CNTNAP2: variants seen among roughly 807,000 people sequenced by gnomAD.
CNTNAP2 encodes the protein contactin-associated protein-like 2.
A neutral mutation model predicts 155.2 loss-of-function variants in CNTNAP2; 98 were observed. That is an observed-to-expected ratio of 0.63 (90% CI 0.54 to 0.75). The LOEUF is 0.75. Ranked by LOEUF, CNTNAP2 falls within the 30% of genes least tolerant of loss-of-function variation. CNTNAP2 has a pLI of 0.00. For synonymous variants in CNTNAP2, 651 were observed against 631.2 expected, an observed-to-expected ratio of 1.03 and a Z score of -0.47; for missense variants, 1,727 against 1,688.1, an observed-to-expected ratio of 1.02 and a Z score of -0.40.
chr7:147,068,618 A>G (rs1799829648), intron 4 of CNTNAP2, among the ~76,000 whole-genome samples: 1 of 152,128 alleles, frequency 6.6e-6, no homozygotes, highest in Non-Finnish European at 1.5e-5. Flanking sequence ...CAGCCTCCCA[A>G]AGTGCTGGAA....
At chr7:147,097,009 G>A (rs1800549440) in intron 4 of CNTNAP2, among the ~76,000 whole-genome samples, 1 of 152,142 alleles carries the variant, frequency 6.6e-6, no homozygotes, top group South Asian at 2.1e-4. Context: ...TCACCCAAAG[G>A]TATGTGAAAT....
intron 12 of CNTNAP2, among the ~76,000 whole-genome samples, chr7:147,563,684 CAAACTGAATT>C (rs1159568733): frequency 6.6e-6 from 1 of 151,874 alleles, no homozygotes; most frequent in African/African-American, 2.4e-5. Flanking sequence ...CAGGCAAATT[CAAACTGAATT>C]ATATGCAGCC....
In CNTNAP2 at chr7:146,354,471, G is replaced by T. The variant is rs957693716; in HGVS notation, c.97+237498G>T. On this transcript the variant is annotated intron_variant, in intron 1 of 23. Transcript: ENST00000361727. ...ACTCTGTCGCCCCGCCTGGAGTGCA[G>T]TGGTGCAATGTCAGTTCACTGCAGT... Among the ~76,000 whole-genome samples the T allele has an allele frequency of 2.0e-5, 3 of 148,596 alleles. 1 individual carries two copies. In the Admixed American group the frequency reaches 2.0e-4, roughly 10 times the overall value.
At chr7:148,059,513 G>A (rs950431262) in intron 15 of CNTNAP2, among the ~76,000 whole-genome samples, 6 of 151,190 alleles carry the variant, frequency 4.0e-5, no homozygotes, top group Admixed American at 6.6e-5. Flanking sequence ...GCTTGAACCC[G>A]GGAGAGGGAG....
At chr7:148,365,040 G>T (rs576044665) in intron 21 of CNTNAP2, among the ~76,000 whole-genome samples, 1 of 152,190 alleles carries the variant, frequency 6.6e-6, no homozygotes, top group African/African-American at 2.4e-5. Context: ...CTTAAGAGCT[G>T]TAACAGTCAC....
chr7:147,829,227 T>C (rs1432512151), intron 13 of CNTNAP2, among the ~76,000 whole-genome samples: 2 of 152,046 alleles, frequency 1.3e-5, no homozygotes, highest in Non-Finnish European at 2.9e-5. Flanking sequence ...ACAGATGGGG[T>C]TGAGCAGCAG....
chr7:146,580,518 G>T (rs542277777), intron 1 of CNTNAP2, among the ~76,000 whole-genome samples: 184 of 150,112 alleles, frequency 1.2e-3, no homozygotes, highest in Non-Finnish European at 2.2e-3. Context: ...ACTTCGGCAA[G>T]ATCTAAATAT....
Position 148,400,643 on chromosome 7 carries a change from C to T in CNTNAP2, c.3716-8748C>T, listed in dbSNP as rs562875011. ...CACCCTCCCATATACTTTAAATTGT[C>T]TCTTGTAGATTACTTGTAATACCTA... is the stretch of plus-strand genomic sequence containing the variant. On this transcript the variant is annotated intron_variant, in intron 22 of 23. Coordinates refer to ENST00000361727, the MANE Select transcript of CNTNAP2 (RefSeq NM_014141.6). Among the ~76,000 whole-genome samples the T allele has an allele frequency of 2.6e-4, 40 of 152,232 alleles. 1 individual carries two copies. The South Asian group carries it at 5.6e-3, about 21-fold the overall frequency.
chr7:147,083,662 C>T (rs13310622), intron 4 of CNTNAP2, among the ~76,000 whole-genome samples: 2 of 140,598 alleles, frequency 1.4e-5, no homozygotes, highest in South Asian at 2.2e-4. Flanking sequence ...GCTATATATA[C>T]ATATATAATA....
chr7:148,267,046 C>T lies in CNTNAP2; in HGVS notation c.3395C>T (p.Pro1132Leu). 6.2e-7 allele frequency: 1 copy of T among 1,614,126 alleles called. No individual in the cohort carries two copies. Among genetic ancestry groups the T allele is most frequent in the South Asian group, 1.1e-5 (1 of 91,074 alleles). Residue 1132 changes from proline to leucine, a missense_variant, in exon 21 of 24, where the codon CCT becomes CTT. Physicochemically the swap from Pro to Leu is moderately conservative, Grantham distance 98. Coordinates refer to ENST00000361727, the MANE Select transcript of CNTNAP2 (RefSeq NM_014141.6). ...TTCCTCCTGCAGCTCGATCATTATCCTTCTGTGAGTTACCATCTGCCAAGT... is the reference window on the plus strand; with the variant it reads ...TTCCTCCTGCAGCTCGATCATTATCTTTCTGTGAGTTACCATCTGCCAAGT... ...KTIFLKLDHYPSVSYHLPSSS... is the reference protein window; with the variant it reads ...KTIFLKLDHYLSVSYHLPSSS...
intron 15 of CNTNAP2, among the ~76,000 whole-genome samples, chr7:148,081,294 A>G (rs915512468): frequency 4.6e-5 from 7 of 152,100 alleles, no homozygotes; most frequent in African/African-American, 1.7e-4. Flanking sequence ...TGTCAACGTG[A>G]TTGGATTGAA....
intron 10 of CNTNAP2, among the ~76,000 whole-genome samples, chr7:147,422,990 A>G (rs149650902): frequency 4.7e-4 from 72 of 152,340 alleles, no homozygotes; most frequent in African/African-American, 1.4e-3. Context: ...TAAGAAATCA[A>G]TTGTAGATAA....
At chr7:147,951,156 G>A (rs910663265) in intron 14 of CNTNAP2, among the ~76,000 whole-genome samples, 14 of 152,204 alleles carry the variant, frequency 9.2e-5, no homozygotes, top group African/African-American at 3.1e-4. Flanking sequence ...AGAGAAAGTT[G>A]TGCCTTCCAG....
At chr7:146,174,053 A>T (rs995363022) in intron 1 of CNTNAP2, among the ~76,000 whole-genome samples, 6 of 152,092 alleles carry the variant, frequency 3.9e-5, no homozygotes, top group Non-Finnish European at 8.8e-5. Flanking sequence ...AAAAACAAAA[A>T]TAATAACCAG....
chr7:147,788,115 T>C (rs1451805469), intron 13 of CNTNAP2, among the ~76,000 whole-genome samples: 2 of 152,198 alleles, frequency 1.3e-5, no homozygotes, highest in East Asian at 3.9e-4. Flanking sequence ...CAACAGAGGT[T>C]ATTAACTCTT....
chr7:146,563,028 A>C (rs1167012971), intron 1 of CNTNAP2, among the ~76,000 whole-genome samples: 1 of 152,208 alleles, frequency 6.6e-6, no homozygotes, highest in African/African-American at 2.4e-5. Flanking sequence ...AGTTTAGAGA[A>C]ATCAACTTGT....
At chr7:147,352,160 A>G (rs1178846364) in intron 9 of CNTNAP2, among the ~76,000 whole-genome samples, 2 of 152,004 alleles carry the variant, frequency 1.3e-5, no homozygotes, top group African/African-American at 4.8e-5. Flanking sequence ...TCAAGGAAAT[A>G]AAAATATTTG....
chr7:147,672,720 A>G (rs937244467), intron 13 of CNTNAP2: 1 of 152,184 alleles, frequency 6.6e-6, no homozygotes, highest in African/African-American at 2.4e-5. Context: ...CCATTTCATC[A>G]GCTTTTGTAC....
At chr7:146,158,095 G>A (rs1443128416) in intron 1 of CNTNAP2, among the ~76,000 whole-genome samples, 1 of 152,216 alleles carries the variant, frequency 6.6e-6, no homozygotes, top group African/African-American at 2.4e-5. Flanking sequence ...CTGTTCTTCA[G>A]CCTCTGCTGG....
Sources: gnomAD v4.1 joint callset for allele counts (sites outside exome capture counted in the v4.1 genomes callset) on GRCh38, gnomAD v4.1.1 for gene constraint, MANE v1.5 for transcripts, NCBI Gene and HGNC (gene_info 2026-07-23, HGNC 2026-07-21) for gene names.